LDLRAD4: variants seen among roughly 807,000 people sequenced by gnomAD.
The protein encoded by LDLRAD4 is low density lipoprotein receptor class A domain containing 4, also known as low-density lipoprotein receptor class A domain-containing protein 4.
Under a neutral mutation model 17.0 loss-of-function variants are expected in LDLRAD4, and 5 were observed. The ratio of observed to expected loss-of-function variants is 0.29; its 90% confidence interval spans 0.15 to 0.62. The LOEUF (loss-of-function observed/expected upper bound fraction) is 0.62. Among genes scored for constraint, LDLRAD4 ranks in the 20% least tolerant of loss-of-function variants. The pLI, the probability that LDLRAD4 is intolerant of heterozygous loss-of-function variation, is 0.84. For missense variants in LDLRAD4, 340 were observed against 424.7 expected, an observed-to-expected ratio of 0.80 and a Z score of 1.75; for synonymous variants, 168 against 171.8, an observed-to-expected ratio of 0.98 and a Z score of 0.17.
intron 3 of LDLRAD4, among the ~76,000 whole-genome samples, chr18:13,607,129 G>A (rs977949338): frequency 2.0e-5 from 3 of 152,194 alleles, no homozygotes; most frequent in African/African-American, 7.2e-5. Flanking sequence ...CTACCACTGA[G>A]CAAAACAATG....
chr18:13,226,200 T>TTTTTTG (rs1399999238), intron 1 of LDLRAD4, among the ~76,000 whole-genome samples: 4 of 143,200 alleles, frequency 2.8e-5, no homozygotes, highest in Non-Finnish European at 4.6e-5. Context: ...TTTTTTTTTT[T>TTTTTTG]TGTAGAGACC....
chr18:13,347,456 G>T (rs1159884575), intron 1 of LDLRAD4, among the ~76,000 whole-genome samples: 2 of 152,106 alleles, frequency 1.3e-5, no homozygotes, highest in Non-Finnish European at 1.5e-5. Flanking sequence ...TAGTCTGATG[G>T]GCTTCCCTTT....
intron 1 of LDLRAD4, chr18:13,240,327 C>T (rs2042566084): frequency 6.6e-6 from 1 of 152,282 alleles, no homozygotes; most frequent in Non-Finnish European, 1.5e-5. Context: ...GCCCCGATGT[C>T]CCCGTGAGCT....
intron 1 of LDLRAD4, among the ~76,000 whole-genome samples, chr18:13,325,575 C>T (rs1475532747): frequency 6.6e-6 from 1 of 152,114 alleles, no homozygotes; most frequent in Admixed American, 6.5e-5. Flanking sequence ...CTGTGGACTC[C>T]TCAGCTGCTC....
chr18:13,436,758 G>A (rs1027443374), intron 2 of LDLRAD4, among the ~76,000 whole-genome samples: 4 of 152,196 alleles, frequency 2.6e-5, no homozygotes, highest in Non-Finnish European at 4.4e-5. Context: ...CCCCCACCAC[G>A]TGGCCCAGCC....
At chr18:13,244,832 G>A (rs2145737286) in intron 1 of LDLRAD4, among the ~76,000 whole-genome samples, 1 of 152,282 alleles carries the variant, frequency 6.6e-6, no homozygotes, top group East Asian at 1.9e-4. Context: ...CTGTCTTCAT[G>A]GACAGGTGGG....
chr18:13,433,471 G>T (rs1318017513), intron 2 of LDLRAD4, among the ~76,000 whole-genome samples: 1 of 152,156 alleles, frequency 6.6e-6, no homozygotes, highest in African/African-American at 2.4e-5. Flanking sequence ...GACTGAGATC[G>T]TATCTGTGAA....
At chr18:13,232,977 C>G (rs1056813751) in intron 1 of LDLRAD4, among the ~76,000 whole-genome samples, 1 of 152,212 alleles carries the variant, frequency 6.6e-6, no homozygotes, top group African/African-American at 2.4e-5. Context: ...AAGGCTTCAG[C>G]TCATTGTTAA....
At chr18:13,456,284 G>A (rs990465459) in intron 3 of LDLRAD4, among the ~76,000 whole-genome samples, 8 of 151,854 alleles carry the variant, frequency 5.3e-5, no homozygotes, top group South Asian at 4.2e-4. Flanking sequence ...TCCCCCCGCC[G>A]TCTGCCTGCC....
At chr18:13,412,315 C>T (rs146049323) in intron 2 of LDLRAD4, among the ~76,000 whole-genome samples, 337 of 152,324 alleles carry the variant, frequency 2.2e-3, no homozygotes, top group Non-Finnish European at 3.9e-3. Flanking sequence ...ATGTCCTTTA[C>T]ACCCAGCCTC....
chr18:13,388,723 C>G (rs542157057), intron 2 of LDLRAD4, among the ~76,000 whole-genome samples: 2 of 152,364 alleles, frequency 1.3e-5, no homozygotes, highest in East Asian at 3.9e-4. Context: ...CAGCCTTGCA[C>G]TCCTCCGCAG....
chr18:13,425,274 G>C (rs965298013), intron 2 of LDLRAD4, among the ~76,000 whole-genome samples: 6 of 152,244 alleles, frequency 3.9e-5, no homozygotes, highest in African/African-American at 1.4e-4. Context: ...TGTGGAGAAG[G>C]CCCCATTTAT....
chr18:13,541,182 A>C (rs1305314083), intron 3 of LDLRAD4, among the ~76,000 whole-genome samples: 1 of 152,246 alleles, frequency 6.6e-6, no homozygotes, highest in East Asian at 1.9e-4. Context: ...AGGAAAACGC[A>C]ACAAAATGTA....
intron 1 of LDLRAD4, among the ~76,000 whole-genome samples, chr18:13,314,772 A>G (rs996890648): frequency 1.3e-5 from 2 of 152,250 alleles, no homozygotes; most frequent in Admixed American, 6.5e-5. Flanking sequence ...TGAGTGTAAG[A>G]GACCGAGATC....
At position 13,367,460 on chromosome 18, in the gene LDLRAD4, G is replaced by T. The variant is rs1411649273; in HGVS notation, c.-382-19881G>T. Among the ~76,000 whole-genome samples the T allele has an allele frequency of 6.6e-6, 1 of 152,206 alleles. No individual in the cohort carries two copies. The highest frequency in any genetic ancestry group is 2.4e-5 in the African/African-American group (1 of 41,444). On this transcript the variant is annotated intron_variant, in intron 1 of 5. Coordinates refer to ENST00000359446, the Ensembl canonical transcript of LDLRAD4. The surrounding 1 kb of genome is among the most constrained non-coding windows in gnomAD (Gnocchi z 4.1). ...CATGGGGCAGAAAAGAGCCTGGCAG[G>T]TTTTGGAGGTGCACTGTATGCTCAG...
chr18:13,628,472 C>T (rs1250159918), intron 4 of LDLRAD4, among the ~76,000 whole-genome samples: 2 of 152,204 alleles, frequency 1.3e-5, no homozygotes, highest in South Asian at 2.1e-4. Flanking sequence ...GCTTAGGGTC[C>T]GGCGGGTTGG....
intron 3 of LDLRAD4, among the ~76,000 whole-genome samples, chr18:13,617,395 T>C (rs1246787772): frequency 2.0e-5 from 3 of 151,892 alleles, no homozygotes; most frequent in African/African-American, 7.3e-5. Flanking sequence ...AGGAATAAAA[T>C]CCAGAGCAAA....
At chr18:13,297,054 C>T (rs1027424531) in intron 1 of LDLRAD4, among the ~76,000 whole-genome samples, 1 of 152,232 alleles carries the variant, frequency 6.6e-6, no homozygotes, top group Admixed American at 6.5e-5. Context: ...AGATGGTGTT[C>T]ATGAGAGCGC....
Position 13,492,354 on chromosome 18 carries a change from C to T in LDLRAD4, c.181+53970C>T, listed in dbSNP as rs148970141. Among the ~76,000 whole-genome samples the T allele has an allele frequency of 3.3e-4, 51 of 152,338 alleles. 1 individual carries two copies. Among genetic ancestry groups the T allele is most frequent in the Non-Finnish European group, 6.8e-4 (46 of 68,030 alleles). ...TCTTCTGGTTCCGAGTTGCCTCTGC[C>T]GGAAGGGACGTCCTTTCACAGCCCA... is the stretch of plus-strand genomic sequence containing the variant. On this transcript the variant is annotated intron_variant, in intron 3 of 5. Coordinates refer to ENST00000359446, the Ensembl canonical transcript of LDLRAD4.
Sources: gnomAD v4.1 joint callset for allele counts (sites outside exome capture counted in the v4.1 genomes callset) on GRCh38, gnomAD v4.1.1 for gene constraint, Gnocchi (gnomAD v3.1) non-coding constraint, MANE v1.5 for transcripts, NCBI Gene and HGNC (gene_info 2026-07-23, HGNC 2026-07-21) for gene names.